ERC2: variants seen among roughly 807,000 people sequenced by gnomAD.
ERC2 encodes the protein ERC protein 2.
Under a neutral mutation model 114.8 loss-of-function variants are expected in ERC2, and 42 were observed. That is an observed-to-expected ratio of 0.37 (90% CI 0.29 to 0.47). The LOEUF is 0.47. Among genes scored for constraint, ERC2 ranks in the 20% least tolerant of loss-of-function variants. ERC2 has a pLI of 0.99. For synonymous variants in ERC2, 454 were observed against 425.5 expected (o/e 1.07, Z -0.82); for missense variants, 939 against 1,150.7 (o/e 0.82, Z 2.66).
intron 2 of ERC2, among the ~76,000 whole-genome samples, chr3:56,428,007 T>G (rs1472157829): frequency 2.0e-5 from 3 of 152,192 alleles, no homozygotes; most frequent in African/African-American, 7.2e-5. Flanking sequence ...GCACACACTT[T>G]GGAAATACTG....
chr3:56,104,238 A>G (rs1198401007), intron 6 of ERC2, among the ~76,000 whole-genome samples: 1 of 152,214 alleles, frequency 6.6e-6, no homozygotes, highest in African/African-American at 2.4e-5. Context: ...GACTTATTGG[A>G]GAAAATAATC....
chr3:55,596,110 C>T (rs754711457), intron 17 of ERC2, among the ~76,000 whole-genome samples: 1 of 151,966 alleles, frequency 6.6e-6, no homozygotes, highest in African/African-American at 2.4e-5. Context: ...ACTCCCAAAC[C>T]AGTAGGGGGA....
At chr3:56,317,514 A>C (rs1393242399) in intron 2 of ERC2, among the ~76,000 whole-genome samples, 1 of 152,190 alleles carries the variant, frequency 6.6e-6, no homozygotes, top group Non-Finnish European at 1.5e-5. Context: ...GCATTCTCAG[A>C]AGTCTGTGAG....
intron 13 of ERC2, among the ~76,000 whole-genome samples, chr3:55,950,024 T>C (rs912904654): frequency 1.3e-5 from 2 of 152,232 alleles, no homozygotes; most frequent in Admixed American, 6.5e-5. Context: ...TGGGATCAGC[T>C]GAATGTATCC....
chr3:56,343,929 C>T (rs1202255361), intron 2 of ERC2, among the ~76,000 whole-genome samples: 3 of 152,062 alleles, frequency 2.0e-5, no homozygotes, highest in Non-Finnish European at 4.4e-5. Flanking sequence ...AATTCAATAA[C>T]AACAAAGAAA....
intron 15 of ERC2, among the ~76,000 whole-genome samples, chr3:55,730,292 T>C (rs1575412513): frequency 6.6e-6 from 1 of 152,306 alleles, no homozygotes; most frequent in South Asian, 2.1e-4. Flanking sequence ...GGTGATGCTT[T>C]CCTTATTGGG....
intron 13 of ERC2, among the ~76,000 whole-genome samples, chr3:55,949,948 C>CTATATTCACAG (rs1170190354): frequency 3.3e-5 from 5 of 152,136 alleles, no homozygotes; most frequent in African/African-American, 7.2e-5. Flanking sequence ...ACAGAGAAGA[C>CTATATTCACAG]AGAATAATGA....
chr3:56,144,442 A>T (rs1397595528), intron 5 of ERC2, among the ~76,000 whole-genome samples: 1 of 152,256 alleles, frequency 6.6e-6, no homozygotes, highest in Non-Finnish European at 1.5e-5. Flanking sequence ...TTGATTCCAC[A>T]TATGAAACTG....
intron 7 of ERC2, among the ~76,000 whole-genome samples, chr3:56,074,327 T>C (rs1262582140): frequency 6.6e-6 from 1 of 152,152 alleles, no homozygotes; most frequent in Non-Finnish European, 1.5e-5. Context: ...CAAGAACGCA[T>C]AACCTAAGGA....
intron 12 of ERC2, among the ~76,000 whole-genome samples, chr3:55,951,307 T>C (rs1270802844): frequency 1.3e-5 from 2 of 152,222 alleles, no homozygotes; most frequent in Non-Finnish European, 2.9e-5. Flanking sequence ...ATAACAATTA[T>C]GAGGCTCCAA....
intron 14 of ERC2, among the ~76,000 whole-genome samples, chr3:55,873,443 G>A (rs1356117578): frequency 2.6e-5 from 4 of 152,188 alleles, no homozygotes; most frequent in Non-Finnish European, 5.9e-5. Context: ...TTGGAAGGTT[G>A]TTGTGAAGAT....
At chr3:56,378,499 C>A (rs2059631252) in intron 2 of ERC2, among the ~76,000 whole-genome samples, 1 of 142,004 alleles carries the variant, frequency 7.0e-6, no homozygotes. Context: ...TGCAGCGCAC[C>A]AGCATGGCAC....
chr3:56,080,692 T>C (rs748016347), intron 7 of ERC2, 125 bp downstream of exon 7: 11 of 935,052 alleles, frequency 1.2e-5, no homozygotes, highest in Non-Finnish European at 1.6e-5. Flanking sequence ...AACACCAGTA[T>C]GAAAATCAGC....
At chr3:56,338,981 G>A (rs1184543800) in intron 2 of ERC2, among the ~76,000 whole-genome samples, 1 of 152,194 alleles carries the variant, frequency 6.6e-6, no homozygotes, top group East Asian at 1.9e-4. Context: ...TGCATCAAGA[G>A]TAGCAAAGGC....
chr3:56,449,668 G>A (rs755998725), intron 1 of ERC2, among the ~76,000 whole-genome samples: 8 of 152,204 alleles, frequency 5.3e-5, no homozygotes, highest in Non-Finnish European at 1.2e-4. Context: ...CTTGAACAAA[G>A]TATTTTACTT....
chr3:56,215,101 G>T (rs1274893373), intron 3 of ERC2, among the ~76,000 whole-genome samples: 2 of 151,988 alleles, frequency 1.3e-5, no homozygotes, highest in African/African-American at 2.4e-5. Context: ...GCAAAATAAC[G>T]AGCTAACATC....
intron 17 of ERC2, among the ~76,000 whole-genome samples, chr3:55,628,487 T>C (rs533446717): frequency 7.1e-4 from 108 of 152,370 alleles, no homozygotes; most frequent in African/African-American, 2.4e-3. Flanking sequence ...ATTATTTTTG[T>C]TGTTGCTATT....
chr3:56,055,814 T>G (rs1576736836), intron 7 of ERC2, among the ~76,000 whole-genome samples: 1 of 152,228 alleles, frequency 6.6e-6, no homozygotes, highest in East Asian at 1.9e-4. Flanking sequence ...TATCTGCACT[T>G]GCATGCCCTC....
chr3:56,161,793 C>T (rs758526231), intron 4 of ERC2, among the ~76,000 whole-genome samples: 22 of 152,014 alleles, frequency 1.4e-4, no homozygotes, highest in Non-Finnish European at 2.9e-4. Context: ...TTTTGGCAGT[C>T]GTTAGGGTTT....
Sources: allele counts gnomAD v4.1 joint callset (sites outside exome capture counted in the v4.1 genomes callset), GRCh38; gene constraint gnomAD v4.1.1; transcripts MANE v1.5; gene names NCBI Gene and HGNC (gene_info 2026-07-23, HGNC 2026-07-21).